CECR2: variants seen among roughly 807,000 people sequenced by gnomAD.
The protein encoded by CECR2 is chromatin remodeling regulator CECR2.
A neutral mutation model predicts 154.5 loss-of-function variants in CECR2; 30 were observed. That is an observed-to-expected ratio of 0.19 (90% CI 0.15 to 0.26). The LOEUF is 0.26. Ranked by LOEUF, CECR2 falls within the 10% of genes least tolerant of loss-of-function variation. The pLI is 1.00. For missense variants in CECR2, 1,743 were observed against 1,829.3 expected (o/e 0.95, Z 0.86); for synonymous variants, 725 against 683.7 (o/e 1.06, Z -0.94).
chr22:17,519,835 G>C (rs749238064), intron 8 of CECR2, among the ~76,000 whole-genome samples: 63 of 149,694 alleles, frequency 4.2e-4, no homozygotes, highest in Admixed American at 3.3e-3. Context: ...TCTGTTGCCA[G>C]GCTGGAGTGC....
chr22:17,377,971 T>C (rs967617720), intron 1 of CECR2, among the ~76,000 whole-genome samples: 8 of 152,182 alleles, frequency 5.3e-5, no homozygotes, highest in Admixed American at 4.6e-4. Flanking sequence ...AGGAATGTTA[T>C]ATGCGTTTTG....
chr22:17,491,587 G>GGGT (rs2055533064), intron 2 of CECR2, among the ~76,000 whole-genome samples: 1 of 120,334 alleles, frequency 8.3e-6, no homozygotes, highest in Non-Finnish European at 1.7e-5. Flanking sequence ...GTGTGTGGGG[G>GGGT]GGTGGGTGTT....
At chr22:17,501,974 G>A (rs1479283869) in intron 5 of CECR2, among the ~76,000 whole-genome samples, 2 of 152,142 alleles carry the variant, frequency 1.3e-5, no homozygotes, top group Non-Finnish European at 2.9e-5. Flanking sequence ...CGCTGGCCAC[G>A]TTTCAGATGC....
At chr22:17,401,059 G>A (rs772631384) in intron 1 of CECR2, among the ~76,000 whole-genome samples, 8 of 152,010 alleles carry the variant, frequency 5.3e-5, no homozygotes, top group African/African-American at 7.2e-5. Context: ...GAGCCACCGC[G>A]ACCAGTCCCC....
chr22:17,402,284 C>CCTGGACCCTGTTCT (rs1469245883), intron 1 of CECR2, among the ~76,000 whole-genome samples: 1 of 151,692 alleles, frequency 6.6e-6, no homozygotes, highest in Non-Finnish European at 1.5e-5. Flanking sequence ...TGTGCCTGGC[C>CCTGGACCCTGTTCT]AACATTTTAA....
chr22:17,472,558 C>A (rs868097575), intron 1 of CECR2, among the ~76,000 whole-genome samples: 11 of 152,162 alleles, frequency 7.2e-5, no homozygotes, highest in African/African-American at 2.4e-4. Flanking sequence ...TAAAATACAA[C>A]AAACACGATT....
chr22:17,408,816 A>G (rs2054023867), intron 1 of CECR2, among the ~76,000 whole-genome samples: 1 of 152,148 alleles, frequency 6.6e-6, no homozygotes, highest in South Asian at 2.1e-4. Context: ...CTCTCTTCCC[A>G]TTGTTGCATA....
chr22:17,517,726 C>A (rs993881510), intron 8 of CECR2, among the ~76,000 whole-genome samples: 2 of 152,220 alleles, frequency 1.3e-5, no homozygotes, highest in Non-Finnish European at 2.9e-5. Context: ...AACTCAGTTA[C>A]AAGGCTTGGC....
intron 1 of CECR2, among the ~76,000 whole-genome samples, chr22:17,473,590 A>G (rs2055163150): frequency 6.6e-6 from 1 of 152,242 alleles, no homozygotes; most frequent in South Asian, 2.1e-4. Flanking sequence ...CAGTTTTTCC[A>G]CAAACTATCA....
intron 1 of CECR2, among the ~76,000 whole-genome samples, chr22:17,372,919 C>T (rs941147194): frequency 6.6e-6 from 1 of 152,108 alleles, no homozygotes; most frequent in African/African-American, 2.4e-5. Context: ...AAGGACTCGG[C>T]TTCCATTTAT....
In CECR2 at chr22:17,477,677, T is replaced by C. The variant is rs746383654; in HGVS notation, c.216T>C (p.Asp72=). The C allele has an allele frequency of 2.5e-6, 4 of 1,601,640 alleles. No individual in the cohort carries two copies. In the African/African-American group the frequency reaches 4.0e-5, roughly 16 times the overall value. Reference sequence around the variant, plus strand: ...TTCAGGGCTGCTATCAACGAAGAGATATCACGTGAGTAATTCTGATCTTTC... The same window carrying C: ...TTCAGGGCTGCTATCAACGAAGAGACATCACGTGAGTAATTCTGATCTTTC... The part of the protein sequence containing the change: ...CLLQGCYQRR[D]ITPQTFHSYL... Residue 72 remains aspartate, a synonymous_variant, in exon 2 of 19, where the codon GAT becomes GAC. Coordinates refer to ENST00000262608, the MANE Select transcript of CECR2 (RefSeq NM_001290047.2).
At chr22:17,526,808 CAAAAAAA>C (rs34800488) in intron 9 of CECR2, among the ~76,000 whole-genome samples, 29 of 71,684 alleles carry the variant, frequency 4.0e-4, no homozygotes, top group East Asian at 9.9e-4. Context: ...GACTCCATCT[CAAAAAAA>C]AAAAAAAAAA....
At position 17,490,745 on chromosome 22, in the gene CECR2, G is replaced by A. The variant is rs531166342; in HGVS notation, c.222-6658G>A. Among the ~76,000 whole-genome samples the A allele has an allele frequency of 3.2e-4, 49 of 152,178 alleles. No individual in the cohort carries two copies. In the South Asian group the frequency reaches 0.01, roughly 32 times the overall value. On this transcript the variant is annotated intron_variant, in intron 2 of 18. Coordinates refer to ENST00000262608, the MANE Select transcript of CECR2 (RefSeq NM_001290047.2). ...ATTACAGGCATGAGCCACCATGCCA[G>A]GCCTCCTTGTGTTTTTTTAAAGTGT...
At chr22:17,404,630 C>T (rs1190324345) in intron 1 of CECR2, among the ~76,000 whole-genome samples, 1 of 131,116 alleles carries the variant, frequency 7.6e-6, no homozygotes, top group Non-Finnish European at 1.6e-5. Context: ...GCCTCGGCCT[C>T]CCAAAGTGCT....
At position 17,397,646 on chromosome 22, in the gene CECR2, C is replaced by T. The variant is rs4819579; in HGVS notation, c.126+27737C>T. Among the ~76,000 whole-genome samples the T allele has an allele frequency of 7.9e-3, 1,207 of 152,076 alleles. 50 individuals are homozygous for T. The East Asian group carries it at 0.13, about 16-fold the overall frequency. ...CCGAGTAGCTGGAACTACAGGCGCC[C>T]GCCACCACGCTCGGCTAATTTTTTG... On this transcript the variant is annotated intron_variant, in intron 1 of 18. Transcript: ENST00000262608.
At chr22:17,505,143 T>C in intron 7 of CECR2, 127 bp downstream of exon 7, 1 of 889,772 alleles carries the variant, frequency 1.1e-6, no homozygotes, top group Admixed American at 2.7e-5. Flanking sequence ...CCATCCTGTC[T>C]GAACTCCAGT....
At chr22:17,548,019 A>C in intron 16 of CECR2, 129 bp from the exon 17 acceptor site, 1 of 878,674 alleles carries the variant, frequency 1.1e-6, no homozygotes, top group South Asian at 1.9e-5. Flanking sequence ...TCAGGGACTC[A>C]AACAATTTCC....
At chr22:17,481,962 A>G (rs952419574) in intron 2 of CECR2, among the ~76,000 whole-genome samples, 1 of 151,662 alleles carries the variant, frequency 6.6e-6, no homozygotes, top group Non-Finnish European at 1.5e-5. Flanking sequence ...TAAAGATACA[A>G]AAAAGTAGCC....
chr22:17,555,427 A>G lies in CECR2; in HGVS notation c.*2587A>G, dbSNP rs1169179634. 1 of 152,216 alleles carries G rather than the reference A, an allele frequency of 6.6e-6. No individual in the cohort carries two copies. The highest frequency in any genetic ancestry group is 1.5e-5 in the Non-Finnish European group (1 of 68,064). The allele number at this position is 152,216 out of a possible 1,614,324, so 9.4% of individuals were successfully genotyped here. Reference sequence around the variant, plus strand: ...CCTTATAGGTACTAGTGCTTCGTCCATTGTCCAGGGAGTGTCCTGAGCTTT... The same window carrying G: ...CCTTATAGGTACTAGTGCTTCGTCCGTTGTCCAGGGAGTGTCCTGAGCTTT... On this transcript the variant is annotated 3_prime_UTR_variant, in exon 19 of 19. Coordinates refer to ENST00000262608, the MANE Select transcript of CECR2 (RefSeq NM_001290047.2).
Sources: gnomAD v4.1 joint callset for allele counts (sites outside exome capture counted in the v4.1 genomes callset) on GRCh38, gnomAD v4.1.1 for gene constraint, MANE v1.5 for transcripts, NCBI Gene and HGNC (gene_info 2026-07-23, HGNC 2026-07-21) for gene names.